Variants in COBLL1 observed in about 807,000 individuals in gnomAD.
COBLL1 encodes the protein cordon-bleu WH2 repeat protein like 1.
A neutral mutation model predicts 94.8 loss-of-function variants in COBLL1; 50 were observed. The ratio of observed to expected loss-of-function variants is 0.53; its 90% CI spans 0.42 to 0.67. The LOEUF is 0.67. Ranked by LOEUF, COBLL1 falls within the 30% of genes least tolerant of loss-of-function variation. COBLL1 has a pLI of 0.00. For missense variants in COBLL1, 1,362 were observed against 1,348.7 expected, an observed-to-expected ratio of 1.01 and a Z score of -0.15; for synonymous variants, 448 against 473.8, an observed-to-expected ratio of 0.95 and a Z score of 0.71.
chr2:164,778,412 G>C (rs1386515626), intron 2 of COBLL1, among the ~76,000 whole-genome samples: 1 of 152,160 alleles, frequency 6.6e-6, no homozygotes, highest in Non-Finnish European at 1.5e-5. Flanking sequence ...TTCAAGACCA[G>C]CCTGGCCAAC....
intron 3 of COBLL1, among the ~76,000 whole-genome samples, chr2:164,741,600 T>C (rs1280496817): frequency 1.3e-5 from 2 of 151,860 alleles, no homozygotes; most frequent in African/African-American, 4.8e-5. Context: ...TATTTAATCC[T>C]ATCAATTCGG....
At chr2:164,777,896 A>T (rs1688547312) in intron 2 of COBLL1, among the ~76,000 whole-genome samples, 1 of 152,196 alleles carries the variant, frequency 6.6e-6, no homozygotes, top group Non-Finnish European at 1.5e-5. Flanking sequence ...AAGACATAAG[A>T]ACTCTGAATT....
rs1287602305 is a variant in COBLL1, at chr2:164,700,759, A to G, written c.1226-3T>C. 1 of 1,537,186 alleles carries G rather than the reference A, an allele frequency of 6.5e-7. No individual in the cohort carries two copies. Among genetic ancestry groups the G allele is most frequent in the Admixed American group, 1.7e-5 (1 of 58,352 alleles). ...GCTATAATCAGAGCTTATTCCAGCT[A>G]CAAAGAAATGCAGATATAATCCTAA... On this transcript the variant is annotated splice_region_variant and splice_polypyrimidine_tract_variant and intron_variant, in intron 9 of 13. Coordinates refer to ENST00000652658, the MANE Select transcript of COBLL1 (RefSeq NM_001365672.2).
intron 2 of COBLL1, among the ~76,000 whole-genome samples, chr2:164,777,659 C>T (rs899528608): frequency 1.3e-5 from 2 of 152,152 alleles, no homozygotes; most frequent in African/African-American, 4.8e-5. Context: ...AGCTTAATAT[C>T]AGCTTGATTT....
In COBLL1 at chr2:164,743,941, T is replaced by C. The variant is rs144121223; in HGVS notation, c.42-66A>G. The C allele has an allele frequency of 7.6e-3, 8,853 of 1,166,252 alleles. 53 individuals are homozygous for C. The highest frequency in any genetic ancestry group is 0.011 in the Middle Eastern group (38 of 3,360). The allele number at this position is 1,166,252 out of a possible 1,614,324, so 72.2% of individuals were successfully genotyped here. A position where few individuals can be genotyped will look rare whatever the true frequency, so the allele number is the denominator to read the frequency against. On this transcript the variant is annotated intron_variant, in intron 2 of 13. Transcript: ENST00000652658. ...TTTTTAAGGTAACTTTTTAATATGA[T>C]GTATTTTTATAAATATGATCTAGTA...
rs140169622 is a variant in COBLL1, at chr2:164,765,785, A to C, written c.42-21910T>G. On this transcript the variant is annotated intron_variant, in intron 2 of 13. Coordinates refer to ENST00000652658, the MANE Select transcript of COBLL1 (RefSeq NM_001365672.2). ...GAAATTACTAAAGCTAATCAAAAAT[A>C]CATTTAGGAATATTGACCTCCTAAA... is the stretch of plus-strand genomic sequence containing the variant. 1.9e-3 allele frequency among the ~76,000 whole-genome samples: 292 copies of C among 152,324 alleles called. 3 individuals carry two copies. Among genetic ancestry groups the C allele is most frequent in the African/African-American group, 6.7e-3 (280 of 41,572 alleles).
chr2:164,802,018 A>G (rs1398898116), intron 2 of COBLL1, among the ~76,000 whole-genome samples: 1 of 152,232 alleles, frequency 6.6e-6, no homozygotes, highest in Non-Finnish European at 1.5e-5. Context: ...TGAAGTAAAT[A>G]TGAAATTTCA....
rs774154946 is a variant in COBLL1 at position 164,731,600 on chromosome 2, C to T, written c.231-1485G>A. On this transcript the variant is annotated intron_variant, in intron 3 of 13. Transcript: ENST00000652658. The stretch of plus-strand genomic sequence containing the variant: ...CACACTTAAGAATAAGGCACTAAAC[C>T]GCAGTGTGTACATCGTATTTTTACA... Among the ~76,000 whole-genome samples, 3 of 152,122 alleles carry T rather than the reference C, an allele frequency of 2.0e-5. 1 individual carries two copies. The highest frequency in any genetic ancestry group is 4.1e-4 in the South Asian group (2 of 4,832).
chr2:164,756,074 TGAGG>T (rs937823403), intron 2 of COBLL1, among the ~76,000 whole-genome samples: 11 of 141,090 alleles, frequency 7.8e-5, no homozygotes, highest in African/African-American at 1.1e-4. Context: ...AGAGAGAGAA[TGAGG>T]GAGGGAGGGA....
intron 2 of COBLL1, among the ~76,000 whole-genome samples, chr2:164,748,011 C>A (rs1686954448): frequency 6.6e-6 from 1 of 151,960 alleles, no homozygotes; most frequent in African/African-American, 2.4e-5. Context: ...TCAGTGAAAG[C>A]CAGCTGAGAC....
At chr2:164,667,073 AAAT>A (rs1691171260) in intron 1 of COBLL1, among the ~76,000 whole-genome samples, 1 of 152,078 alleles carries the variant, frequency 6.6e-6, no homozygotes, top group Non-Finnish European at 1.5e-5. Flanking sequence ...TGTATTTCTT[AAAT>A]AATAAGATAT....
chr2:164,734,258 T>C (rs34303889), intron 3 of COBLL1, among the ~76,000 whole-genome samples: 16,649 of 150,210 alleles, frequency 0.11, 1,184 homozygotes, highest in African/African-American at 0.21. Flanking sequence ...AATGTCCTAA[T>C]TGAAAAATGA....
At chr2:164,689,266 C>T (rs185268592) in intron 13 of COBLL1, among the ~76,000 whole-genome samples, 98 of 152,082 alleles carry the variant, frequency 6.4e-4, no homozygotes, top group Middle Eastern at 3.4e-3. Context: ...TAATTGCCTG[C>T]GTATGAACCA....
chr2:164,820,090 T>A (rs1475254034), intron 2 of COBLL1, among the ~76,000 whole-genome samples: 1 of 147,938 alleles, frequency 6.8e-6, no homozygotes, highest in Non-Finnish European at 1.5e-5. Flanking sequence ...CACCTTGGCC[T>A]CCCAAAGTGC....
intron 2 of COBLL1, among the ~76,000 whole-genome samples, chr2:164,774,678 C>G (rs2105259325): frequency 6.6e-6 from 1 of 152,236 alleles, no homozygotes; most frequent in East Asian, 1.9e-4. Context: ...TTGACTGTCT[C>G]TTATACAGCT....
chr2:164,687,413 ATTTC>A (rs1312344703), intron 13 of COBLL1: 3 of 952,268 alleles, frequency 3.2e-6, no homozygotes, highest in South Asian at 1.3e-5. Flanking sequence ...GTGAAGCCCC[ATTTC>A]TTTGAGAAGT....
rs1457846485 is a variant in COBLL1 at position 164,821,491 on chromosome 2, CA to C, written c.41+19664del. 5.1e-4 allele frequency among the ~76,000 whole-genome samples: 77 copies of C among 152,250 alleles called. No homozygotes were observed. In the East Asian group the frequency reaches 0.012, roughly 24 times the overall value. On this transcript the variant is annotated intron_variant, in intron 2 of 13. Coordinates refer to ENST00000652658, the MANE Select transcript of COBLL1 (RefSeq NM_001365672.2). ...AAATTATGTGATTACTGGAAGACAG[CA>C]TAGTGAGTGTTCCCAGTCTGTGTAC...
intron 3 of COBLL1, among the ~76,000 whole-genome samples, chr2:164,740,897 A>AG (rs145829980): frequency 0.062 from 9,482 of 152,198 alleles, 368 homozygotes; most frequent in African/African-American, 0.12. Context: ...GGGGGGGAAA[A>AG]GTTCATAAAC....
At chr2:164,704,022 T>C (rs1286567159) in intron 9 of COBLL1, among the ~76,000 whole-genome samples, 1 of 152,172 alleles carries the variant, frequency 6.6e-6, no homozygotes, top group African/African-American at 2.4e-5. Context: ...TAGAGTAGGG[T>C]AACTTGTATG....
Sources: allele counts gnomAD v4.1 joint callset (sites outside exome capture counted in the v4.1 genomes callset), GRCh38; gene constraint gnomAD v4.1.1; transcripts MANE v1.5; gene names NCBI Gene and HGNC (gene_info 2026-07-23, HGNC 2026-07-21).